Variants in ZNF30 observed in about 807,000 individuals in gnomAD.
The protein encoded by ZNF30 is zinc finger protein 30 (KOX 28).
ZNF30 carries 15 observed loss-of-function variants against 13.2 expected under a neutral mutation model. The ratio of observed to expected loss-of-function variants is 1.13; its 90% CI spans 0.76 to 1.75. The LOEUF (loss-of-function observed/expected upper bound fraction) is 1.75, where lower values mean the gene tolerates loss of function less well. Among genes scored for constraint, ZNF30 ranks in the 40% most tolerant of loss-of-function variants. The pLI is 0.00. For missense variants in ZNF30, 726 were observed against 757.0 expected, an observed-to-expected ratio of 0.96 and a Z score of 0.48; for synonymous variants, 223 against 256.6, an observed-to-expected ratio of 0.87 and a Z score of 1.25.
intron 4 of ZNF30, among the ~76,000 whole-genome samples, chr19:34,938,436 A>G (rs2151671339): frequency 6.6e-6 from 1 of 152,092 alleles, no homozygotes; most frequent in Middle Eastern, 3.4e-3. Flanking sequence ...ACCATTCTTA[A>G]AAGTCTGGAT....
intron 4 of ZNF30, among the ~76,000 whole-genome samples, chr19:34,939,145 C>A (rs1244123088): frequency 1.5e-5 from 1 of 68,640 alleles, no homozygotes. Flanking sequence ...CCCTCCCCTC[C>A]CCTCCCCTCC....
At chr19:34,931,109 C>T (rs1007515360) in intron 2 of ZNF30, among the ~76,000 whole-genome samples, 2 of 144,746 alleles carry the variant, frequency 1.4e-5, no homozygotes, top group Non-Finnish European at 3.0e-5. Flanking sequence ...ACAATTTTGA[C>T]TCACTGCAAC....
At chr19:34,936,705 G>C (rs1230831336) in intron 4 of ZNF30, among the ~76,000 whole-genome samples, 1 of 152,080 alleles carries the variant, frequency 6.6e-6, no homozygotes, top group Non-Finnish European at 1.5e-5. Flanking sequence ...AGACCAGCTT[G>C]GGCAACATAG....
At position 34,929,891 on chromosome 19, in the gene ZNF30, A is replaced by T. The variant is rs916486362; in HGVS notation, c.-57A>T. 6 of 1,535,264 alleles carry T rather than the reference A, an allele frequency of 3.9e-6. No homozygotes were observed. The Admixed American group carries it at 9.7e-5, about 25-fold the overall frequency. On this transcript the variant is annotated 5_prime_UTR_variant, in exon 2 of 5. Transcript: ENST00000601142. ...CCTCTCTGGATTTTCTAGCTTTTGA[A>T]CTTCTCAGATAGAGGAACCCCAGTG...
At chr19:34,924,751 T>C (rs2012005914), upstream of ZNF30, among the ~76,000 whole-genome samples, 1 of 152,206 alleles carries the variant, frequency 6.6e-6, no homozygotes, top group Non-Finnish European at 1.5e-5. Flanking sequence ...TTGTAATAGA[T>C]ACCCAATGAG....
chr19:34,942,218 G>A (rs781354513), intron 4 of ZNF30, among the ~76,000 whole-genome samples: 19 of 152,142 alleles, frequency 1.2e-4, no homozygotes, highest in Non-Finnish European at 2.5e-4. Context: ...TGAAGTGGGA[G>A]GACGACTTGA....
At position 34,931,913 on chromosome 19, in the gene ZNF30, A is replaced by C; in HGVS notation, c.80A>C (p.Glu27Ala). The change falls in exon 3 of 5, where the codon GAG becomes GCG. Residue 27 changes from glutamate (E) to alanine (A), a missense_variant. Coordinates refer to ENST00000601142, the MANE Select transcript of ZNF30 (RefSeq NM_194325.3). ...EDVAIAFSQQ[E>A]WESLDSSQRG... ...GTGGCCATAGCCTTCTCCCAGCAGGAGTGGGAGAGTCTGGACTCTTCCCAG... is the reference window on the plus strand; with the variant it reads ...GTGGCCATAGCCTTCTCCCAGCAGGCGTGGGAGAGTCTGGACTCTTCCCAG... 1 of 1,613,330 alleles carries C rather than the reference A, an allele frequency of 6.2e-7. No homozygotes were observed.
At chr19:34,925,459 G>A (rs2012033604), upstream of ZNF30, among the ~76,000 whole-genome samples, 1 of 152,196 alleles carries the variant, frequency 6.6e-6, no homozygotes, top group Admixed American at 6.5e-5. Flanking sequence ...GCCAAACTCC[G>A]CGTCCTTCTG....
rs1392612597 is a variant in ZNF30 at position 34,944,010 on chromosome 19, A to G, written c.1044A>G (p.Glu348=). ...GTGAGAAACCTTTTGAATGTAAGGA[A>G]TGTGGAAAGGCCTTTAGACTTAGTT... ...HTGEKPFECK[E]CGKAFRLSSF... The change falls in exon 5 of 5, where the codon GAA becomes GAG. Residue 348 remains glutamate, a synonymous_variant. Transcript: ENST00000601142. 2 of 1,614,026 alleles carry G rather than the reference A, an allele frequency of 1.2e-6. No homozygotes were observed. Among genetic ancestry groups the G allele is most frequent in the African/African-American group, 2.7e-5 (2 of 74,908 alleles).
rs189541880 is a variant in ZNF30 at position 34,944,866 on chromosome 19, G to T, written c.*28G>T. The T allele has an allele frequency of 6.6e-7, 1 of 1,526,202 alleles. No homozygotes were observed. 94.5% of individuals were successfully genotyped at this position (1,526,202 alleles called of 1,614,324 possible). A position where few individuals can be genotyped will look rare whatever the true frequency, so the allele number is the denominator to read the frequency against. On this transcript the variant is annotated 3_prime_UTR_variant, in exon 5 of 5. Coordinates refer to ENST00000601142, the MANE Select transcript of ZNF30 (RefSeq NM_194325.3). Reference sequence around the variant, plus strand: ...GTCTGAGGAGTGTGGGAAGTGCTTCGTGTGTGGCTCAAACATTGTTGAACA... The same window carrying T: ...GTCTGAGGAGTGTGGGAAGTGCTTCTTGTGTGGCTCAAACATTGTTGAACA...
chr19:34,944,632 A>C lies in ZNF30; in HGVS notation c.1666A>C (p.Ile556Leu). The change falls in exon 5 of 5, where the codon ATT becomes CTT. Residue 556 changes from isoleucine (I) to leucine (L), a missense_variant. Coordinates refer to ENST00000601142, the MANE Select transcript of ZNF30 (RefSeq NM_194325.3). Reference sequence around the variant, plus strand: ...AGCCTTTACTGTTTATGGACAACTTATTGGACATCAGAGTGTTCACACTGG... The same window carrying C: ...AGCCTTTACTGTTTATGGACAACTTCTTGGACATCAGAGTGTTCACACTGG... ...GKAFTVYGQLIGHQSVHTGEK... is the reference protein window; with the variant it reads ...GKAFTVYGQLLGHQSVHTGEK... 6.2e-7 allele frequency: 1 copy of C among 1,614,132 alleles called. No homozygotes were observed. The highest frequency in any genetic ancestry group is 2.2e-5 in the East Asian group (1 of 44,876).
chr19:34,928,005 C>T (rs904912709), intron 1 of ZNF30, among the ~76,000 whole-genome samples: 3 of 151,552 alleles, frequency 2.0e-5, no homozygotes, highest in Non-Finnish European at 4.4e-5. Flanking sequence ...GAGTTCGAGA[C>T]CACCAACATG....
intron 3 of ZNF30, 30 bp from the exon 4 acceptor site, chr19:34,933,598 T>G (rs750369981): frequency 6.6e-7 from 1 of 1,510,768 alleles, no homozygotes; most frequent in African/African-American, 1.4e-5. Context: ...CATATTTTAT[T>G]TCTTTTCTAC....
In ZNF30 at chr19:34,931,813, C is replaced by T. The variant is rs915636332; in HGVS notation, c.10-30C>T. 1.4e-5 allele frequency: 23 copies of T among 1,602,764 alleles called. No homozygotes were observed. In the African/African-American group the frequency reaches 2.8e-4, roughly 20 times the overall value. On this transcript the variant is annotated intron_variant, in intron 2 of 4. Coordinates refer to ENST00000601142, the MANE Select transcript of ZNF30 (RefSeq NM_194325.3). ...AAACGTTTTATTCCCTCTCCTTTCA[C>T]CTTGAAAGCATTTTCTTTGATTTTA...
At position 34,939,590 on chromosome 19, in the gene ZNF30, A is replaced by G. The variant is rs2012933710; in HGVS notation, c.257-3633A>G. On this transcript the variant is annotated intron_variant, in intron 4 of 4. Coordinates refer to ENST00000601142, the MANE Select transcript of ZNF30 (RefSeq NM_194325.3). ...TGGCTTCCCAAAGGGCTGGGATTACAGGTGTAAGCCACCATGCCCAGCCTA... is the reference window on the plus strand; with the variant it reads ...TGGCTTCCCAAAGGGCTGGGATTACGGGTGTAAGCCACCATGCCCAGCCTA... Among the ~76,000 whole-genome samples, 2 of 152,234 alleles carry G rather than the reference A, an allele frequency of 1.3e-5. 1 individual carries two copies. Among genetic ancestry groups the G allele is most frequent in the South Asian group, 4.1e-4 (2 of 4,830 alleles).
chr19:34,928,979 C>T (rs1260621358), intron 1 of ZNF30, among the ~76,000 whole-genome samples: 5 of 151,842 alleles, frequency 3.3e-5, no homozygotes, highest in Non-Finnish European at 7.4e-5. Flanking sequence ...TAAGAGGGAG[C>T]TACCATAGTA....
chr19:34,934,197 C>A (rs577272387), intron 4 of ZNF30, among the ~76,000 whole-genome samples: 1 of 152,106 alleles, frequency 6.6e-6, no homozygotes, highest in African/African-American at 2.4e-5. Flanking sequence ...TAAGTAGGCT[C>A]AGGCAGAATT....
upstream of ZNF30, among the ~76,000 whole-genome samples, chr19:34,926,508 T>C (rs935022068): frequency 7.2e-5 from 11 of 152,242 alleles, no homozygotes; most frequent in East Asian, 7.7e-4. Context: ...AAAATTCCTG[T>C]ATCAGAGGAC....
Position 34,931,894 on chromosome 19 carries a change from A to G in ZNF30, c.61A>G (p.Ile21Val), listed in dbSNP as rs761203138. The change falls in exon 3 of 5, where the codon ATA becomes GTA. Residue 21 changes from isoleucine to valine, a missense_variant. Ile to Val is a conservative substitution (Grantham distance 29). Transcript: ENST00000601142. ...HGSVTFEDVA[I>V]AFSQQEWESL... ...ATCAGTGACATTTGAGGATGTGGCC[A>G]TAGCCTTCTCCCAGCAGGAGTGGGA... 29 of 1,613,608 alleles carry G rather than the reference A, an allele frequency of 1.8e-5. No homozygotes were observed. In the African/African-American group the frequency reaches 3.6e-4, roughly 20 times the overall value.
Sources: allele counts gnomAD v4.1 joint callset (sites outside exome capture counted in the v4.1 genomes callset), GRCh38; gene constraint gnomAD v4.1.1; transcripts MANE v1.5; gene names NCBI Gene and HGNC (gene_info 2026-07-23, HGNC 2026-07-21).